The following ZNF451 variants were observed in gnomAD, a reference collection of about 807,000 sequenced individuals.
ZNF451 encodes the protein E3 SUMO-protein ligase ZNF451.
In ZNF451, 80 loss-of-function variants were observed where a neutral mutation model predicts 107.1. That is an observed-to-expected ratio of 0.75 (90% CI 0.62 to 0.90). The LOEUF is 0.90. Ranked by LOEUF, ZNF451 falls within the 40% of genes least tolerant of loss-of-function variation. ZNF451 has a pLI of 0.00. For missense variants in ZNF451, 1,107 were observed against 1,236.2 expected (o/e 0.90, Z 1.57); for synonymous variants, 362 against 406.5 (o/e 0.89, Z 1.32).
rs1255190846 is a variant in ZNF451 at position 57,146,996 on chromosome 6, G to T, written c.1005-94G>T. 6.6e-5 allele frequency: 75 copies of T among 1,143,982 alleles called. 1 individual carries two copies. In the South Asian group the frequency reaches 1.2e-3, roughly 18 times the overall value. The allele number at this position is 1,143,982 out of a possible 1,614,324, so 70.9% of individuals were successfully genotyped here. On this transcript the variant is annotated intron_variant, in intron 9 of 14. Coordinates refer to ENST00000370706, the MANE Select transcript of ZNF451 (RefSeq NM_001031623.3). The stretch of plus-strand genomic sequence containing the variant: ...AGTATCTTTTAGTGCTTATTTATAC[G>T]TTGGTTATTTTATAATTCCTGCAAT...
intron 13 of ZNF451, chr6:57,158,826 T>G (rs1472941524): frequency 2.0e-6 from 2 of 985,316 alleles, no homozygotes; most frequent in Non-Finnish European, 2.4e-6. Context: ...TCATATCCAT[T>G]TAGTTGTGGC....
rs1328842821 is a variant in ZNF451, at chr6:57,090,817, G to C, written c.28G>C (p.Glu10Gln). ...TTTTGGCTTGTTTTTATAGATAATA[G>C]AATCTGTCCCTCCAGCTGGCCCTGA... MGDPGSEIIESVPPAGPEAS... is the reference protein window; with the variant it reads MGDPGSEIIQSVPPAGPEAS... The change falls in exon 2 of 15, where the codon GAA becomes CAA. Residue 10 changes from glutamate (E) to glutamine (Q), a missense_variant. This residue lies in a region of ZNF451 where 339 missense variants were observed against 372.8 expected (regional missense o/e 0.91). Coordinates refer to ENST00000370706, the MANE Select transcript of ZNF451 (RefSeq NM_001031623.3). 2 of 50,106 alleles carry C rather than the reference G, an allele frequency of 4.0e-5. No homozygotes were observed. Among genetic ancestry groups the C allele is most frequent in the Non-Finnish European group, 6.7e-5 (2 of 29,788 alleles). The allele number at this position is 50,106 out of a possible 1,614,324, so 3.1% of individuals were successfully genotyped here. A position where few individuals can be genotyped will look rare whatever the true frequency, so the allele number is the denominator to read the frequency against.
intron 6 of ZNF451, 59 bp downstream of exon 6, chr6:57,133,251 C>A: frequency 6.6e-7 from 1 of 1,516,060 alleles, no homozygotes; most frequent in South Asian, 1.2e-5. Flanking sequence ...CAAGTGATTT[C>A]ATAAAATGAA....
chr6:57,099,427 A>G lies in ZNF451; in HGVS notation c.186+286A>G, dbSNP rs1230039776. 4 of 714,388 alleles carry G rather than the reference A, an allele frequency of 5.6e-6. No homozygotes were observed. In the East Asian group the frequency reaches 1.1e-4, roughly 19 times the overall value. 44.3% of individuals were successfully genotyped at this position (714,388 alleles called of 1,614,324 possible). ...GAAATGGAATAAAAACTGCAAGCTT[A>G]TTGATTCCTCTTTCCCTTCTCTTTT... On this transcript the variant is annotated intron_variant, in intron 3 of 14. Coordinates refer to ENST00000370706, the MANE Select transcript of ZNF451 (RefSeq NM_001031623.3).
At chr6:57,100,488 A>G in intron 3 of ZNF451, 2 of 1,205,774 alleles carry the variant, frequency 1.7e-6, no homozygotes, top group Non-Finnish European at 2.2e-6. Flanking sequence ...GTTAATTATA[A>G]TAATTTAAAA....
At chr6:57,105,385 T>C in intron 3 of ZNF451, 1 of 984,822 alleles carries the variant, frequency 1.0e-6, no homozygotes, top group Non-Finnish European at 1.2e-6. Flanking sequence ...TTATATGAAG[T>C]GCCTTTTTAA....
At chr6:57,091,336 G>C (rs1354383459) in intron 2 of ZNF451, 1 of 108,568 alleles carries the variant, frequency 9.2e-6, no homozygotes, top group African/African-American at 3.6e-5. Context: ...TAACCTCTGA[G>C]ATCATCATGT....
chr6:57,159,069 A>G (rs941934964), intron 13 of ZNF451: 1 of 985,362 alleles, frequency 1.0e-6, no homozygotes, highest in African/African-American at 1.7e-5. Flanking sequence ...CAGCCTGTTA[A>G]TGAAAACTAT....
At chr6:57,164,707 C>T (rs991090847) in intron 14 of ZNF451, among the ~76,000 whole-genome samples, 1 of 152,172 alleles carries the variant, frequency 6.6e-6, no homozygotes, top group East Asian at 1.9e-4. Context: ...TTTGGCCTTA[C>T]ATCCACAGTT....
intron 2 of ZNF451, among the ~76,000 whole-genome samples, chr6:57,093,449 A>T (rs762643667): frequency 2.0e-5 from 3 of 152,212 alleles, no homozygotes; most frequent in Non-Finnish European, 4.4e-5. Context: ...GGTTTAATAA[A>T]TAAAAAGTGT....
chr6:57,102,366 G>A (rs1829649841), intron 3 of ZNF451: 1 of 1,113,716 alleles, frequency 9.0e-7, no homozygotes, highest in Non-Finnish European at 1.1e-6. Context: ...AAATAAGTGT[G>A]GAGGAGGACC....
Position 57,148,059 on chromosome 6 carries a change from G to A in ZNF451, c.1974G>A (p.Glu658=). 1 of 1,614,028 alleles carries A rather than the reference G, an allele frequency of 6.2e-7. No homozygotes were observed. Among genetic ancestry groups the A allele is most frequent in the Non-Finnish European group, 8.5e-7 (1 of 1,179,974 alleles). The change falls in exon 10 of 15, where the codon GAG becomes GAA. Residue 658 remains glutamate, a synonymous_variant. Transcript: ENST00000370706. Reference sequence around the variant, plus strand: ...CATTGTACCGACATTGCCAAGATGAGCATGACAATGAGATAAAGATTAAAT... The same window carrying A: ...CATTGTACCGACATTGCCAAGATGAACATGACAATGAGATAAAGATTAAAT... ...IETLYRHCQD[E]HDNEIKIKYF...
intron 14 of ZNF451, among the ~76,000 whole-genome samples, chr6:57,166,846 A>G (rs1763921076): frequency 6.6e-6 from 1 of 152,266 alleles, no homozygotes; most frequent in Non-Finnish European, 1.5e-5. Context: ...ATTAGGCAAT[A>G]GGAATTTTTC....
chr6:57,101,123 A>C, intron 3 of ZNF451: 2 of 1,550,794 alleles, frequency 1.3e-6, no homozygotes, highest in South Asian at 1.2e-5. Flanking sequence ...GTTGAAGAAG[A>C]AACTGATTAC....
chr6:57,110,188 C>T (rs1239010853), intron 3 of ZNF451, among the ~76,000 whole-genome samples: 1 of 152,072 alleles, frequency 6.6e-6, no homozygotes, highest in Non-Finnish European at 1.5e-5. Flanking sequence ...GTGTGGGTAA[C>T]ACAATGGGGT....
chr6:57,123,988 T>G (rs942008164), intron 3 of ZNF451, among the ~76,000 whole-genome samples: 5 of 152,200 alleles, frequency 3.3e-5, no homozygotes, highest in African/African-American at 9.6e-5. Context: ...CTGTGTATCT[T>G]TTATTTCTTT....
intron 3 of ZNF451, 194 bp from the exon 4 acceptor site, chr6:57,124,540 A>G (rs1214247807): frequency 1.4e-6 from 1 of 703,994 alleles, no homozygotes; most frequent in Non-Finnish European, 2.6e-6. Flanking sequence ...CATTTGTCTA[A>G]CTTCTTGAAA....
At chr6:57,104,966 T>C in intron 3 of ZNF451, 2 of 984,668 alleles carry the variant, frequency 2.0e-6, no homozygotes, top group Non-Finnish European at 2.4e-6. Context: ...TAGATTAGTT[T>C]CTTGATTGCA....
Position 57,133,039 on chromosome 6 carries a change from C to T in ZNF451, c.425-3C>T, listed in dbSNP as rs550369630. Reference sequence around the variant, plus strand: ...CCTAAGAATTCATATTCTGATGATGCAGGACTCAAAACAGGCACAATTAAT... The same window carrying T: ...CCTAAGAATTCATATTCTGATGATGTAGGACTCAAAACAGGCACAATTAAT... On this transcript the variant is annotated splice_region_variant and splice_polypyrimidine_tract_variant and intron_variant, in intron 5 of 14. Transcript: ENST00000370706. 129 of 1,613,848 alleles carry T rather than the reference C, an allele frequency of 8.0e-5. No individual in the cohort carries two copies. Among genetic ancestry groups the T allele is most frequent in the Admixed American group, 3.8e-4 (23 of 60,010 alleles).
Sources: allele counts gnomAD v4.1 joint callset (sites outside exome capture counted in the v4.1 genomes callset), GRCh38; gene constraint gnomAD v4.1.1; regional missense constraint gnomAD v4.1.1; transcripts MANE v1.5; gene names NCBI Gene and HGNC (gene_info 2026-07-23, HGNC 2026-07-21).